Variants in IL1RAPL2 observed in about 807,000 individuals in gnomAD.
IL1RAPL2 encodes interleukin 1 receptor accessory protein like 2.
A neutral mutation model predicts 44.1 loss-of-function variants in IL1RAPL2; 3 were observed. The observed-to-expected ratio is 0.07, with a 90% CI of 0.03 to 0.18. IL1RAPL2 has a LOEUF of 0.18. IL1RAPL2 is among the 10% of genes least tolerant of loss of function. IL1RAPL2 has a pLI of 1.00. For missense variants in IL1RAPL2, 391 were observed against 496.4 expected (o/e 0.79, Z 2.02); for synonymous variants, 181 against 178.8 (o/e 1.01, Z -0.10).
intron 2 of IL1RAPL2, among the ~76,000 whole-genome samples, chrX:105,077,971 G>T (rs1190858491): frequency 1.8e-5 from 2 of 110,944 alleles, no homozygotes; most frequent in African/African-American, 6.6e-5. Context: ...TAACTTCTTT[G>T]CCATTGATTT....
intron 5 of IL1RAPL2, among the ~76,000 whole-genome samples, chrX:105,447,414 AAT>A (rs1487573606): frequency 1.4e-5 from 1 of 71,634 alleles, no homozygotes; most frequent in Non-Finnish European, 2.3e-5. Flanking sequence ...TATAAATATA[AAT>A]ATATAAATAT....
intron 2 of IL1RAPL2, among the ~76,000 whole-genome samples, chrX:104,902,889 T>A (rs1276888257): frequency 9.0e-6 from 1 of 111,706 alleles, no homozygotes; most frequent in Non-Finnish European, 1.9e-5. Flanking sequence ...AATTGTGGTG[T>A]TCTGGGGGAG....
intron 6 of IL1RAPL2, among the ~76,000 whole-genome samples, chrX:105,587,621 G>T (rs908806422): frequency 9.0e-6 from 1 of 111,697 alleles, no homozygotes; most frequent in Non-Finnish European, 1.9e-5. Context: ...TATAAATTTA[G>T]ATTGAAATAG....
At chrX:105,681,653 G>A (rs2037926619) in intron 6 of IL1RAPL2, among the ~76,000 whole-genome samples, 1 of 111,215 alleles carries the variant, frequency 9.0e-6, no homozygotes, top group African/African-American at 3.3e-5. Flanking sequence ...AACTACTCAA[G>A]AGGCTGAGGC....
intron 2 of IL1RAPL2, among the ~76,000 whole-genome samples, chrX:104,950,395 C>G (rs1925538685): frequency 8.9e-6 from 1 of 112,636 alleles, no homozygotes; most frequent in Admixed American, 9.3e-5. Context: ...ACGTTTAAGT[C>G]TACAGAGGTT....
Position 104,868,683 on chromosome X carries a change from C to T in IL1RAPL2, c.82+209688C>T, listed in dbSNP as rs1351454062. Among the ~76,000 whole-genome samples, 5 of 112,397 alleles carry T rather than the reference C, an allele frequency of 4.4e-5. No individual in the cohort carries two copies. In the East Asian group the frequency reaches 1.4e-3, roughly 31 times the overall value. On this transcript the variant is annotated intron_variant, in intron 2 of 10. Transcript: ENST00000372582. The stretch of plus-strand genomic sequence containing the variant: ...CCAAGATCTCCTGTGAAGCTGTACC[C>T]TTCCAATTAATCTTTGCAAGGGGAA...
At chrX:105,246,018 G>A (rs1183366040) in intron 4 of IL1RAPL2, among the ~76,000 whole-genome samples, 1 of 112,553 alleles carries the variant, frequency 8.9e-6, no homozygotes, top group Admixed American at 9.4e-5. Context: ...GTGCCTACCT[G>A]TGCAAGGCAC....
At chrX:105,177,840 T>G (rs2033490422) in intron 2 of IL1RAPL2, among the ~76,000 whole-genome samples, 1 of 111,577 alleles carries the variant, frequency 9.0e-6, no homozygotes, top group Non-Finnish European at 1.9e-5. Flanking sequence ...TTCTAAACAA[T>G]TTACCTTTCT....
chrX:105,244,607 C>T (rs1328341599), intron 4 of IL1RAPL2, among the ~76,000 whole-genome samples: 1 of 111,553 alleles, frequency 9.0e-6, no homozygotes, highest in Admixed American at 9.6e-5. Flanking sequence ...CCACGATCCC[C>T]AGTTGTTCCA....
intron 2 of IL1RAPL2, among the ~76,000 whole-genome samples, chrX:104,885,229 C>A (rs1295804724): frequency 9.0e-6 from 1 of 111,556 alleles, no homozygotes; most frequent in Admixed American, 9.5e-5. Flanking sequence ...AGAATGACAG[C>A]CGAAGAAAGG....
intron 6 of IL1RAPL2, among the ~76,000 whole-genome samples, chrX:105,648,535 T>C (rs1307038839): frequency 9.0e-6 from 1 of 111,686 alleles, no homozygotes; most frequent in Non-Finnish European, 1.9e-5. Flanking sequence ...TCACCAGGTC[T>C]GTGATACTAC....
chrX:105,532,379 T>C (rs2036643842), intron 6 of IL1RAPL2, among the ~76,000 whole-genome samples: 1 of 111,797 alleles, frequency 8.9e-6, no homozygotes, highest in African/African-American at 3.3e-5. Flanking sequence ...AGTTTTGGAA[T>C]TTCTGTACCC....
intron 1 of IL1RAPL2, among the ~76,000 whole-genome samples, chrX:104,631,312 T>C (rs1210114832): frequency 8.9e-6 from 1 of 112,087 alleles, no homozygotes; most frequent in Non-Finnish European, 1.9e-5. Context: ...TGTGCATGTG[T>C]CTTTATAGAA....
At chrX:105,005,643 C>T (rs1297242562) in intron 2 of IL1RAPL2, among the ~76,000 whole-genome samples, 1 of 110,529 alleles carries the variant, frequency 9.0e-6, no homozygotes, top group Non-Finnish European at 1.9e-5. Context: ...TACTAGTTCC[C>T]TCTACCTTTT....
At chrX:105,302,157 G>T (rs1411664248) in intron 5 of IL1RAPL2, among the ~76,000 whole-genome samples, 1 of 112,023 alleles carries the variant, frequency 8.9e-6, no homozygotes, top group Non-Finnish European at 1.9e-5. Flanking sequence ...CCATTTGTAT[G>T]TCTTCTTTTG....
At chrX:105,241,146 G>A (rs781829064) in intron 4 of IL1RAPL2, among the ~76,000 whole-genome samples, 7 of 110,499 alleles carry the variant, frequency 6.3e-5, no homozygotes, top group Admixed American at 2.9e-4. Flanking sequence ...TCTTTTGGAT[G>A]CTTCAGGGGC....
At chrX:105,707,434 T>C (rs754580082) in intron 6 of IL1RAPL2, among the ~76,000 whole-genome samples, 34 of 112,299 alleles carry the variant, frequency 3.0e-4, no homozygotes, top group Non-Finnish European at 3.9e-4. Context: ...ACAAGTACTA[T>C]TGAGCACAAC....
intron 5 of IL1RAPL2, among the ~76,000 whole-genome samples, chrX:105,389,540 A>T (rs1376936361): frequency 8.9e-6 from 1 of 111,794 alleles, no homozygotes; most frequent in Non-Finnish European, 1.9e-5. Flanking sequence ...GTTTTTAAGG[A>T]TAGGAACTGG....
chrX:104,855,414 C>T (rs954840271), intron 2 of IL1RAPL2, among the ~76,000 whole-genome samples: 1 of 110,958 alleles, frequency 9.0e-6, no homozygotes, highest in Non-Finnish European at 1.9e-5. Context: ...CAGAATGGGC[C>T]AGAAGCCAAG....
Sources: allele counts gnomAD v4.1 joint callset (sites outside exome capture counted in the v4.1 genomes callset), GRCh38; gene constraint gnomAD v4.1.1; transcripts MANE v1.5; gene names NCBI Gene and HGNC (gene_info 2026-07-23, HGNC 2026-07-21).